PTPN2: variants seen among roughly 807,000 people sequenced by gnomAD.
The protein encoded by PTPN2 is tyrosine-protein phosphatase non-receptor type 2.
In PTPN2, 19 loss-of-function variants were observed where a neutral mutation model predicts 57.3. The ratio of observed to expected loss-of-function variants is 0.33; its 90% CI spans 0.23 to 0.49. The LOEUF is 0.49. PTPN2 is among the 20% of genes least tolerant of loss of function. The pLI is 0.99. For missense variants in PTPN2, 358 were observed against 501.1 expected (o/e 0.71, Z 2.73); for synonymous variants, 153 against 164.9 (o/e 0.93, Z 0.55).
intron 1 of PTPN2, among the ~76,000 whole-genome samples, chr18:12,870,690 T>C (rs1001029943): frequency 6.6e-6 from 1 of 150,896 alleles, no homozygotes; most frequent in Admixed American, 6.6e-5. Context: ...TTTGTGTTTT[T>C]AGTAGAGACG....
intron 3 of PTPN2, 103 bp from the exon 4 acceptor site, chr18:12,831,144 C>A (rs1335821400): frequency 2.9e-6 from 2 of 693,800 alleles, no homozygotes; most frequent in Admixed American, 4.7e-5. Flanking sequence ...ACAAGACAGA[C>A]AGCGGACGGG....
Position 12,817,208 on chromosome 18 carries a change from G to A in PTPN2, c.653C>T (p.Ala218Val). ...GAAGGTGCCAGAGCGCCCAATGCCTGCACTACAGTGGATCACCGCAGGCCC... is the reference window on the plus strand; with the variant it reads ...GAAGGTGCCAGAGCGCCCAATGCCTACACTACAGTGGATCACCGCAGGCCC... The part of the protein sequence containing the change: ...DHGPAVIHCS[A>V]GIGRSGTFSL... The change falls in exon 6 of 9, where the codon GCA (alanine) becomes GTA (valine). Residue 218 changes from alanine (A) to valine (V), a missense_variant. Coordinates refer to ENST00000309660, the MANE Select transcript of PTPN2 (RefSeq NM_002828.4). The A allele has an allele frequency of 1.9e-6, 3 of 1,614,190 alleles. No individual in the cohort carries two copies. The highest frequency in any genetic ancestry group is 2.5e-6 in the Non-Finnish European group (3 of 1,180,020).
intron 2 of PTPN2, among the ~76,000 whole-genome samples, chr18:12,850,064 T>C (rs909058940): frequency 1.3e-5 from 2 of 152,212 alleles, no homozygotes; most frequent in Non-Finnish European, 2.9e-5. Context: ...TTTAGTTTAG[T>C]TGGTCCCTTG....
intron 3 of PTPN2, among the ~76,000 whole-genome samples, chr18:12,833,700 G>A (rs2042750765): frequency 6.6e-6 from 1 of 152,146 alleles, no homozygotes; most frequent in African/African-American, 2.4e-5. Flanking sequence ...GACAGGGATG[G>A]TGCCAAGGGG....
At chr18:12,854,377 A>AAAAAAG (rs1188102057) in intron 2 of PTPN2, among the ~76,000 whole-genome samples, 1 of 146,718 alleles carries the variant, frequency 6.8e-6, no homozygotes, top group Non-Finnish European at 1.5e-5. Flanking sequence ...AAAAAAAAAG[A>AAAAAAG]AAAAAGAAAA....
chr18:12,869,264 C>T (rs929014870), intron 1 of PTPN2: 2 of 152,264 alleles, frequency 1.3e-5, no homozygotes, highest in African/African-American at 4.8e-5. Flanking sequence ...GCAGCTTTGA[C>T]TTCAGGGGCT....
intron 2 of PTPN2, among the ~76,000 whole-genome samples, chr18:12,848,888 T>C (rs966017478): frequency 1.3e-5 from 2 of 152,250 alleles, no homozygotes; most frequent in South Asian, 2.1e-4. Context: ...GAAAGTTCTA[T>C]AGTGGCCTCA....
At chr18:12,875,917 G>C (rs1463786732) in intron 1 of PTPN2, among the ~76,000 whole-genome samples, 2 of 152,156 alleles carry the variant, frequency 1.3e-5, no homozygotes, top group African/African-American at 4.8e-5. Context: ...AAAGTAAAAA[G>C]GGCTTTTAAG....
At chr18:12,878,585 G>C (rs2044570150) in intron 1 of PTPN2, among the ~76,000 whole-genome samples, 1 of 151,782 alleles carries the variant, frequency 6.6e-6, no homozygotes, top group Non-Finnish European at 1.5e-5. Context: ...CAGTAGAACT[G>C]CTTGAACCTG....
chr18:12,817,130 A>C, intron 6 of PTPN2, 26 bp downstream of exon 6: 1 of 1,594,606 alleles, frequency 6.3e-7, no homozygotes, highest in Admixed American at 1.7e-5. Context: ...CAATGAGATT[A>C]AAATGAGATC....
chr18:12,877,605 G>A (rs568521528), intron 1 of PTPN2, among the ~76,000 whole-genome samples: 4 of 152,336 alleles, frequency 2.6e-5, no homozygotes, highest in South Asian at 2.1e-4. Flanking sequence ...TGGCTGCCCC[G>A]CTGTAAGTAT....
At chr18:12,817,947 C>T (rs1207346095) in intron 5 of PTPN2, among the ~76,000 whole-genome samples, 1 of 152,144 alleles carries the variant, frequency 6.6e-6, no homozygotes, top group Non-Finnish European at 1.5e-5. Context: ...TCGAGACCAG[C>T]CTGGCCAACA....
chr18:12,866,670 T>C (rs889130050), intron 1 of PTPN2, among the ~76,000 whole-genome samples: 3 of 151,906 alleles, frequency 2.0e-5, no homozygotes, highest in Non-Finnish European at 4.4e-5. Context: ...GTGAATATAC[T>C]AAAAACCACT....
At chr18:12,840,132 T>C (rs1413898722) in intron 2 of PTPN2, among the ~76,000 whole-genome samples, 1 of 152,198 alleles carries the variant, frequency 6.6e-6, no homozygotes, top group Admixed American at 6.5e-5. Context: ...GGCAAGAAGA[T>C]GACCAATTCT....
rs2041036513 is a variant in PTPN2 at position 12,793,225 on chromosome 18, T to C, written c.*1053A>G. ...ATTAAACAGTTTGCTTTAAAAAATA[T>C]TCATTAAGTTAAAATGACAATGTAA... On this transcript the variant is annotated 3_prime_UTR_variant, in exon 9 of 9. Transcript: ENST00000309660. 1.4e-6 allele frequency: 1 copy of C among 715,894 alleles called. No individual in the cohort carries two copies. Among genetic ancestry groups the C allele is most frequent in the Non-Finnish European group, 1.7e-6 (1 of 598,884 alleles). 44.3% of individuals were successfully genotyped at this position (715,894 alleles called of 1,614,324 possible). A position where few individuals can be genotyped will look rare whatever the true frequency, so the allele number is the denominator to read the frequency against.
In PTPN2 at chr18:12,830,174, G is replaced by A. The variant is rs144053720; in HGVS notation, c.360+769C>T. On this transcript the variant is annotated intron_variant, in intron 4 of 8. Coordinates refer to ENST00000309660, the MANE Select transcript of PTPN2 (RefSeq NM_002828.4). ...CTGCAGTGCAGTGGGTTTTGAGATG[G>A]AGTCTCATTCTATCATCCAGGTTGA... Among the ~76,000 whole-genome samples the A allele has an allele frequency of 4.4e-3, 670 of 151,972 alleles. 4 individuals are homozygous for A. Among genetic ancestry groups the A allele is most frequent in the African/African-American group, 0.016 (643 of 41,402 alleles).
At chr18:12,858,430 T>C (rs1014184730) in intron 2 of PTPN2, among the ~76,000 whole-genome samples, 3 of 152,254 alleles carry the variant, frequency 2.0e-5, no homozygotes, top group Admixed American at 6.5e-5. Context: ...AACTCTAGTA[T>C]TATAATTGTT....
chr18:12,829,290 C>T (rs1173228932), intron 4 of PTPN2, among the ~76,000 whole-genome samples: 4 of 152,004 alleles, frequency 2.6e-5, no homozygotes, highest in Non-Finnish European at 5.9e-5. Context: ...CCGAGGTGGG[C>T]GTATCACTTG....
chr18:12,837,672 A>G (rs1315665678), intron 2 of PTPN2, among the ~76,000 whole-genome samples: 3 of 152,224 alleles, frequency 2.0e-5, no homozygotes, highest in Non-Finnish European at 4.4e-5. Flanking sequence ...CTGAATTATA[A>G]AACTAAAAAC....
Sources: allele counts gnomAD v4.1 joint callset (sites outside exome capture counted in the v4.1 genomes callset), GRCh38; gene constraint gnomAD v4.1.1; transcripts MANE v1.5; gene names NCBI Gene and HGNC (gene_info 2026-07-23, HGNC 2026-07-21).